Variants in OXR1 observed in about 807,000 individuals in gnomAD.
OXR1 encodes the protein oxidation resistance protein 1.
OXR1 carries 41 observed loss-of-function variants against 104.6 expected under a neutral mutation model. The observed-to-expected ratio is 0.39, with a 90% CI of 0.31 to 0.51. The LOEUF (loss-of-function observed/expected upper bound fraction) is 0.51, where lower values mean the gene tolerates loss of function less well. OXR1 is among the 20% of genes least tolerant of loss of function. The pLI is 0.77. For synonymous variants in OXR1, 348 were observed against 348.4 expected (o/e 1.00, Z 0.01); for missense variants, 955 against 1,031.9 (o/e 0.93, Z 1.02).
chr8:106,559,135 C>G (rs1269585298), intron 3 of OXR1, among the ~76,000 whole-genome samples: 2 of 152,180 alleles, frequency 1.3e-5, no homozygotes, highest in Non-Finnish European at 2.9e-5. Context: ...TTTAATCACT[C>G]AGAAGTTCTA....
intron 2 of OXR1, among the ~76,000 whole-genome samples, chr8:106,471,700 GA>G (rs1019476502): frequency 6.6e-6 from 1 of 151,758 alleles, no homozygotes; most frequent in African/African-American, 2.4e-5. Context: ...AGTAATAAGA[GA>G]TTTTTTTAAA....
chr8:106,511,198 T>G (rs1196391179), intron 2 of OXR1, among the ~76,000 whole-genome samples: 2 of 152,194 alleles, frequency 1.3e-5, no homozygotes. Flanking sequence ...AGCTGCTGAT[T>G]TTTAGTCAGA....
intron 2 of OXR1, among the ~76,000 whole-genome samples, chr8:106,379,010 G>A (rs1817021287): frequency 6.6e-6 from 1 of 152,154 alleles, no homozygotes; most frequent in African/African-American, 2.4e-5. Context: ...GAGTATAACT[G>A]TATTTGACCC....
At chr8:106,420,250 CTTTG>C (rs1029548333) in intron 2 of OXR1, among the ~76,000 whole-genome samples, 21 of 151,736 alleles carry the variant, frequency 1.4e-4, no homozygotes, top group Non-Finnish European at 1.9e-4. Flanking sequence ...ATCTTTATTT[CTTTG>C]TTTGTAGAAT....
At chr8:106,497,755 G>A (rs546542739) in intron 2 of OXR1, among the ~76,000 whole-genome samples, 1 of 151,808 alleles carries the variant, frequency 6.6e-6, no homozygotes, top group African/African-American at 2.4e-5. Flanking sequence ...TTGGGGGAAA[G>A]GTTTATGGTA....
At chr8:106,304,674 A>G (rs937261504) in intron 1 of OXR1, among the ~76,000 whole-genome samples, 1 of 152,204 alleles carries the variant, frequency 6.6e-6, no homozygotes, top group Non-Finnish European at 1.5e-5. Flanking sequence ...TTCTTAGATT[A>G]AGTCTTCAAA....
At chr8:106,283,636 C>G (rs1216855029) in intron 1 of OXR1, among the ~76,000 whole-genome samples, 1 of 152,160 alleles carries the variant, frequency 6.6e-6, no homozygotes, top group Non-Finnish European at 1.5e-5. Context: ...GGGCCTCCCC[C>G]TGAGGAGTAG....
chr8:106,398,976 C>T (rs902263539), intron 2 of OXR1, among the ~76,000 whole-genome samples: 3 of 152,060 alleles, frequency 2.0e-5, no homozygotes, highest in African/African-American at 7.2e-5. Context: ...TTAATCCCTC[C>T]CCAACAAAGT....
intron 2 of OXR1, among the ~76,000 whole-genome samples, chr8:106,502,669 G>A (rs567457504): frequency 6.6e-6 from 1 of 152,272 alleles, no homozygotes; most frequent in South Asian, 2.1e-4. Context: ...TTGGCAATAG[G>A]TAGAAGCTTT....
intron 1 of OXR1, among the ~76,000 whole-genome samples, chr8:106,327,987 C>T (rs1814543361): frequency 6.6e-6 from 1 of 152,130 alleles, no homozygotes; most frequent in Non-Finnish European, 1.5e-5. Flanking sequence ...TGAGGGGAAA[C>T]TAAAGGATGT....
chr8:106,412,389 A>G (rs538505594), intron 2 of OXR1, among the ~76,000 whole-genome samples: 3 of 152,194 alleles, frequency 2.0e-5, no homozygotes, highest in Non-Finnish European at 4.4e-5. Flanking sequence ...GGCTGTAAAT[A>G]TAAAAGCTAT....
chr8:106,377,772 C>A (rs1191838978), intron 2 of OXR1, among the ~76,000 whole-genome samples: 1 of 152,142 alleles, frequency 6.6e-6, no homozygotes, highest in Admixed American at 6.6e-5. Context: ...CTTTCTTTAA[C>A]TTTTCTTATC....
At chr8:106,742,946 A>G (rs1835042567) in intron 15 of OXR1, among the ~76,000 whole-genome samples, 3 of 152,218 alleles carry the variant, frequency 2.0e-5, no homozygotes, top group East Asian at 1.9e-4. Flanking sequence ...AAATTGGCAA[A>G]TGGGATCTAA....
intron 3 of OXR1, among the ~76,000 whole-genome samples, chr8:106,615,921 T>C (rs1325473260): frequency 2.0e-5 from 3 of 152,164 alleles, no homozygotes; most frequent in Middle Eastern, 3.2e-3. Flanking sequence ...TAGTAAGTCA[T>C]TGTTATCATT....
At chr8:106,628,136 G>A (rs1427617138) in intron 3 of OXR1, among the ~76,000 whole-genome samples, 3 of 152,108 alleles carry the variant, frequency 2.0e-5, no homozygotes, top group Non-Finnish European at 2.9e-5. Flanking sequence ...TATGGCACAT[G>A]TGGGTCTTTC....
At chr8:106,427,191 A>T (rs559334323) in intron 2 of OXR1, among the ~76,000 whole-genome samples, 1 of 151,972 alleles carries the variant, frequency 6.6e-6, no homozygotes, top group Non-Finnish European at 1.5e-5. Context: ...ATTTATTTTG[A>T]GATGGAGTCT....
intron 3 of OXR1, among the ~76,000 whole-genome samples, chr8:106,623,343 C>T (rs1821879485): frequency 6.6e-6 from 1 of 151,604 alleles, no homozygotes; most frequent in Non-Finnish European, 1.5e-5. Context: ...CTAATCCCAC[C>T]CCTGTGGACA....
chr8:106,618,271 C>A, intron 3 of OXR1: 1 of 1,075,612 alleles, frequency 9.3e-7, no homozygotes, highest in Non-Finnish European at 1.4e-6. Flanking sequence ...CTTTATGTTG[C>A]ATTTTCAAAG....
chr8:106,314,242 TA>T (rs1489526132), intron 1 of OXR1, among the ~76,000 whole-genome samples: 1 of 152,152 alleles, frequency 6.6e-6, no homozygotes, highest in Non-Finnish European at 1.5e-5. Flanking sequence ...AACACCTTTG[TA>T]GGTAATTTTC....
Sources: allele counts gnomAD v4.1 joint callset (sites outside exome capture counted in the v4.1 genomes callset), GRCh38; gene constraint gnomAD v4.1.1; transcripts MANE v1.5; gene names NCBI Gene and HGNC (gene_info 2026-07-23, HGNC 2026-07-21).